MAP7: variants seen among roughly 807,000 people sequenced by gnomAD.
MAP7 encodes the protein microtubule associated protein 7, also known as ensconsin.
Under a neutral mutation model 94.8 loss-of-function variants are expected in MAP7, and 52 were observed. The observed-to-expected ratio is 0.55, with a 90% CI of 0.44 to 0.69. The LOEUF (loss-of-function observed/expected upper bound fraction) is 0.69. Ranked by LOEUF, MAP7 falls within the 30% of genes least tolerant of loss-of-function variation. MAP7 has a pLI of 0.00. For synonymous variants in MAP7, 350 were observed against 357.0 expected, an observed-to-expected ratio of 0.98 and a Z score of 0.22; for missense variants, 940 against 964.6, an observed-to-expected ratio of 0.97 and a Z score of 0.34.
chr6:136,517,246 C>A (rs984149081), intron 1 of MAP7, among the ~76,000 whole-genome samples: 1 of 152,186 alleles, frequency 6.6e-6, no homozygotes, highest in East Asian at 1.9e-4. Context: ...AACAAAGATC[C>A]AGTCACATAT....
At chr6:136,476,790 C>T (rs1361539125) in intron 1 of MAP7, among the ~76,000 whole-genome samples, 1 of 151,982 alleles carries the variant, frequency 6.6e-6, no homozygotes, top group African/African-American at 2.4e-5. Context: ...TATATATATA[C>T]AAATCTGAGA....
rs202185529 is a variant in MAP7, at chr6:136,411,680, G to C, written c.184C>G (p.Arg62Gly). ...GCCAGCCGCTGCCGGTCATCAACAC[G>C]TAACACAGGCGGAGGGTCTGAAAGC... Reference protein sequence around the residue: ...GNKPDPPPVLRVDDRQRLARE... With the variant: ...GNKPDPPPVLGVDDRQRLARE... The change falls in exon 3 of 18, where the codon CGT becomes GGT. Residue 62 changes from arginine to glycine, a missense_variant. Physicochemically the swap from Arg to Gly is moderately radical, Grantham distance 125 (BLOSUM62 -2). Transcript: ENST00000354570. 373 of 1,566,308 alleles carry C rather than the reference G, an allele frequency of 2.4e-4. 5 individuals are homozygous for C. The South Asian group carries it at 4.2e-3, about 18-fold the overall frequency.
At chr6:136,366,561 C>CATAT in intron 8 of MAP7, 122 bp from the exon 9 acceptor site, 1 of 671,514 alleles carries the variant, frequency 1.5e-6, no homozygotes, top group Non-Finnish European at 2.6e-6. Context: ...AGCTATGTCA[C>CATAT]ATATACCCAT....
intron 1 of MAP7, chr6:136,525,910 T>G: frequency 1.3e-6 from 2 of 1,535,886 alleles, no homozygotes; most frequent in Non-Finnish European, 1.7e-6. Flanking sequence ...GGAATTGGCC[T>G]TGCATTGGTC....
At chr6:136,375,332 A>G (rs1205049448) in intron 7 of MAP7, among the ~76,000 whole-genome samples, 1 of 152,236 alleles carries the variant, frequency 6.6e-6, no homozygotes, top group African/African-American at 2.4e-5. Flanking sequence ...GTGGCTGCAA[A>G]TGAGAGGTGT....
intron 11 of MAP7, among the ~76,000 whole-genome samples, chr6:136,361,811 C>T (rs1010365205): frequency 6.6e-6 from 1 of 152,172 alleles, no homozygotes; most frequent in Admixed American, 6.5e-5. Flanking sequence ...GGCTACCCTC[C>T]GAGAGGAGTT....
At chr6:136,493,729 G>A (rs1439772548) in intron 1 of MAP7, among the ~76,000 whole-genome samples, 4 of 152,122 alleles carry the variant, frequency 2.6e-5, no homozygotes, top group African/African-American at 9.7e-5. Flanking sequence ...CGAGAGCATT[G>A]TATCGTTCTC....
chr6:136,521,192 T>C (rs1039172249), intron 1 of MAP7, among the ~76,000 whole-genome samples: 1 of 152,174 alleles, frequency 6.6e-6, no homozygotes, highest in Non-Finnish European at 1.5e-5. Flanking sequence ...AAAAAATCAG[T>C]TCCTAAATGT....
At chr6:136,479,355 C>A (rs1445742741) in intron 1 of MAP7, among the ~76,000 whole-genome samples, 3 of 152,142 alleles carry the variant, frequency 2.0e-5, no homozygotes, top group Non-Finnish European at 2.9e-5. Context: ...AAGAAACATA[C>A]CTTAACATAA....
chr6:136,383,197 G>A (rs541372952), intron 6 of MAP7, among the ~76,000 whole-genome samples: 4 of 152,244 alleles, frequency 2.6e-5, no homozygotes. Flanking sequence ...AATGCAGTAA[G>A]AAATAATTTG....
chr6:136,405,221 A>T (rs549983837), intron 3 of MAP7, among the ~76,000 whole-genome samples: 4 of 152,292 alleles, frequency 2.6e-5, no homozygotes, highest in African/African-American at 9.6e-5. Context: ...AAAAGACATA[A>T]ATCCCTTCCC....
intron 16 of MAP7, among the ~76,000 whole-genome samples, chr6:136,351,125 A>G (rs1474924959): frequency 6.6e-6 from 1 of 152,132 alleles, no homozygotes; most frequent in Non-Finnish European, 1.5e-5. Flanking sequence ...GAAAACTGTC[A>G]GCTGAGCTAT....
intron 1 of MAP7, chr6:136,466,652 A>G (rs1807207744): frequency 9.6e-7 from 1 of 1,043,130 alleles, no homozygotes; most frequent in Admixed American, 2.4e-5. Context: ...CCTACTCTGT[A>G]CTTCCACTTG....
intron 1 of MAP7, among the ~76,000 whole-genome samples, chr6:136,453,088 G>T (rs74543326): frequency 0.016 from 2,412 of 152,262 alleles, 84 homozygotes; most frequent in East Asian, 0.14. Context: ...ATGAATACGT[G>T]AAGTATATAT....
At chr6:136,382,640 T>C (rs1203224385) in intron 6 of MAP7, among the ~76,000 whole-genome samples, 1 of 152,146 alleles carries the variant, frequency 6.6e-6, no homozygotes, top group Non-Finnish European at 1.5e-5. Flanking sequence ...GTTCAAACAT[T>C]TACTATTTTA....
At position 136,468,268 on chromosome 6, in the gene MAP7, A is replaced by G. The variant is rs1044353496; in HGVS notation, c.68-46469T>C. On this transcript the variant is annotated intron_variant, in intron 1 of 17. Coordinates refer to ENST00000354570, the MANE Select transcript of MAP7 (RefSeq NM_003980.6). ...TGGATAATTCTTTGTTGTGGGTGGCAGCTGAAATTTATTGATCATCTATTA... is the reference window on the plus strand; with the variant it reads ...TGGATAATTCTTTGTTGTGGGTGGCGGCTGAAATTTATTGATCATCTATTA... Among the ~76,000 whole-genome samples, 98 of 152,176 alleles carry G rather than the reference A, an allele frequency of 6.4e-4. 3 individuals are homozygous for G. Among genetic ancestry groups the G allele is most frequent in the Non-Finnish European group, 2.5e-4 (17 of 68,010 alleles).
chr6:136,345,924 G>A lies in MAP7; in HGVS notation c.2171C>T (p.Ala724Val), dbSNP rs1787572927. ...SPEIPLNPIL[A>V]FDDEGTLGPL... ...CCCAAGTGTCCCTTCATCATCAAAGGCCAAAATTGGATTCAAAGGAATTTC... is the reference window on the plus strand; with the variant it reads ...CCCAAGTGTCCCTTCATCATCAAAGACCAAAATTGGATTCAAAGGAATTTC... Residue 724 changes from alanine to valine, a missense_variant, in exon 17 of 18, where the codon GCC becomes GTC. Ala to Val is a moderately conservative substitution (Grantham distance 64). Transcript: ENST00000354570. 1 of 1,614,090 alleles carries A rather than the reference G, an allele frequency of 6.2e-7. No homozygotes were observed.
At chr6:136,525,774 C>A in intron 1 of MAP7, 1 of 1,496,252 alleles carries the variant, frequency 6.7e-7, no homozygotes, top group Admixed American at 2.2e-5. Context: ...GTTCTATAGG[C>A]AGTGTGGGAG....
At chr6:136,405,096 G>A (rs1184807579) in intron 3 of MAP7, among the ~76,000 whole-genome samples, 3 of 152,124 alleles carry the variant, frequency 2.0e-5, no homozygotes, top group Non-Finnish European at 2.9e-5. Flanking sequence ...CTTTGGTAAC[G>A]TTTTAACTAA....
Sources: gnomAD v4.1 joint callset for allele counts (sites outside exome capture counted in the v4.1 genomes callset) on GRCh38, gnomAD v4.1.1 for gene constraint, MANE v1.5 for transcripts, NCBI Gene and HGNC (gene_info 2026-07-23, HGNC 2026-07-21) for gene names.